Variants in RAB31 observed in about 807,000 individuals in gnomAD.
RAB31 encodes the protein ras-related protein Rab-31.
A neutral mutation model predicts 25.6 loss-of-function variants in RAB31; 21 were observed. That is an observed-to-expected ratio of 0.82 (90% confidence interval 0.58 to 1.18). The LOEUF is 1.18. Among genes scored for constraint, RAB31 ranks in the 50% most tolerant of loss-of-function variants. RAB31 has a pLI of 0.00. For missense variants in RAB31, 196 were observed against 250.1 expected (o/e 0.78, Z 1.46); for synonymous variants, 87 against 84.0 (o/e 1.04, Z -0.20).
intron 1 of RAB31, chr18:9,723,766 C>A (rs7229181): frequency 2.6e-5 from 4 of 151,990 alleles, no homozygotes; most frequent in East Asian, 1.9e-4. Context: ...CTTTACCAAC[C>A]GATTGTTTCT....
intron 6 of RAB31, among the ~76,000 whole-genome samples, chr18:9,850,301 T>G (rs1320707956): frequency 6.6e-6 from 1 of 152,198 alleles, no homozygotes; most frequent in Non-Finnish European, 1.5e-5. Context: ...ATTATTTTTT[T>G]ATTTTTAGAG....
intron 1 of RAB31, among the ~76,000 whole-genome samples, chr18:9,739,543 C>T (rs2068167444): frequency 2.0e-5 from 1 of 50,754 alleles, no homozygotes; most frequent in Non-Finnish European, 3.8e-5. Flanking sequence ...ATGTAATGTG[C>T]TAAAAAAAAA....
intron 6 of RAB31, among the ~76,000 whole-genome samples, chr18:9,858,640 T>C (rs977816638): frequency 1.3e-5 from 2 of 152,246 alleles, no homozygotes; most frequent in African/African-American, 4.8e-5. Context: ...TACTTGTGGA[T>C]GACATTAAAA....
intron 3 of RAB31, among the ~76,000 whole-genome samples, chr18:9,801,679 C>T (rs1185988324): frequency 6.6e-6 from 1 of 152,218 alleles, no homozygotes; most frequent in African/African-American, 2.4e-5. Flanking sequence ...AACTGCCAAA[C>T]TGTTTTCCAA....
intron 1 of RAB31, among the ~76,000 whole-genome samples, chr18:9,760,494 A>AT (rs375633624): frequency 1.3e-5 from 2 of 151,838 alleles, no homozygotes; most frequent in African/African-American, 4.8e-5. Context: ...CTTCAGAACA[A>AT]TTTTTTTTCA....
At position 9,791,388 on chromosome 18, in the gene RAB31, C is replaced by CTTTT. The variant is rs35523044; in HGVS notation, c.120-742_120-739dup. On this transcript the variant is annotated intron_variant, in intron 2 of 6. Coordinates refer to ENST00000578921, the MANE Select transcript of RAB31 (RefSeq NM_006868.4). ...AGCTAACTGGTTTTAGAAACACAGTCTTTTTTTTTTTTTTTTTTTTTTTTT... is the reference window on the plus strand; with the variant it reads ...AGCTAACTGGTTTTAGAAACACAGTCTTTTTTTTTTTTTTTTTTTTTTTTTTTTT... Among the ~76,000 whole-genome samples, 13 of 59,628 alleles carry CTTTT rather than the reference C, an allele frequency of 2.2e-4. 1 individual carries two copies. The highest frequency in any genetic ancestry group is 6.9e-4 in the African/African-American group (10 of 14,546). The allele number at this position is 59,628 out of a possible 152,430, so 39.1% of individuals were successfully genotyped here.
At chr18:9,811,811 C>CT (rs2068572928) in intron 3 of RAB31, among the ~76,000 whole-genome samples, 1 of 152,150 alleles carries the variant, frequency 6.6e-6, no homozygotes, top group East Asian at 1.9e-4. Flanking sequence ...TGTTTTGAGA[C>CT]TATTTCTCAT....
chr18:9,787,194 A>G, intron 2 of RAB31: 1 of 218,236 alleles, frequency 4.6e-6, no homozygotes. Context: ...TATTTCTAAC[A>G]AGTATGGGAC....
intron 1 of RAB31, among the ~76,000 whole-genome samples, chr18:9,751,473 A>T (rs1183979644): frequency 6.6e-6 from 1 of 152,186 alleles, no homozygotes; most frequent in African/African-American, 2.4e-5. Flanking sequence ...GATTTGATAC[A>T]CTGAGCATAA....
At chr18:9,760,162 C>CT (rs199586081) in intron 1 of RAB31, among the ~76,000 whole-genome samples, 14 of 58,502 alleles carry the variant, frequency 2.4e-4, no homozygotes, top group Admixed American at 8.6e-4. Flanking sequence ...TCTTTCTTTT[C>CT]TTTTTGTTTT....
chr18:9,725,633 A>G lies in RAB31; in HGVS notation c.39+17189A>G, dbSNP rs148873047. On this transcript the variant is annotated intron_variant, in intron 1 of 6. Transcript: ENST00000578921. ...TAGTAGGGAGAGCACCACTGGTCTG[A>G]TAGAATGGACTTTTTAAAAATAAGG... 4.0e-3 allele frequency among the ~76,000 whole-genome samples: 611 copies of G among 152,370 alleles called. 5 individuals carry two copies. Among genetic ancestry groups the G allele is most frequent in the African/African-American group, 0.013 (558 of 41,584 alleles).
At chr18:9,828,158 C>T (rs573248673) in intron 5 of RAB31, among the ~76,000 whole-genome samples, 35 of 152,034 alleles carry the variant, frequency 2.3e-4, no homozygotes, top group African/African-American at 4.4e-4. Context: ...AGGGAGGGGC[C>T]GTCAAGAATA....
Position 9,845,505 on chromosome 18 carries a change from A to G in RAB31, c.381-77A>G, listed in dbSNP as rs572844722. ...AAGATAAAGGAGCTGTTGCCGCACA[A>G]GCTGTCTGGTCTTTTGGGTGATTTG... On this transcript the variant is annotated intron_variant, in intron 5 of 6. Transcript: ENST00000578921. The G allele has an allele frequency of 8.5e-6, 11 of 1,294,530 alleles. No homozygotes were observed. In the South Asian group the frequency reaches 1.8e-4, roughly 21 times the overall value. 80.2% of individuals were successfully genotyped at this position (1,294,530 alleles called of 1,614,324 possible). A position where few individuals can be genotyped will look rare whatever the true frequency, so the allele number is the denominator to read the frequency against.
chr18:9,773,419 C>T (rs1429391622), intron 1 of RAB31, among the ~76,000 whole-genome samples: 1 of 152,044 alleles, frequency 6.6e-6, no homozygotes, highest in Non-Finnish European at 1.5e-5. Flanking sequence ...CACTTGTTCC[C>T]GTTTTGTGTA....
rs2068206300 is a variant in RAB31, at chr18:9,746,465, A to G, written c.40-28813A>G. ...CAGGAGGCCCCAAATAGCCAAAACA[A>G]TCTTGATAAAGAACAAAGTTGAAGG... On this transcript the variant is annotated intron_variant, in intron 1 of 6. Transcript: ENST00000578921. Among the ~76,000 whole-genome samples, 3 of 144,656 alleles carry G rather than the reference A, an allele frequency of 2.1e-5. No homozygotes were observed. In the South Asian group the frequency reaches 6.7e-4, roughly 32 times the overall value. 94.9% of individuals were successfully genotyped at this position (144,656 alleles called of 152,430 possible).
chr18:9,745,640 G>A (rs889811832), intron 1 of RAB31, among the ~76,000 whole-genome samples: 3 of 152,192 alleles, frequency 2.0e-5, no homozygotes, highest in Middle Eastern at 3.4e-3. Flanking sequence ...ATACTAAAAC[G>A]GATCGATGTA....
chr18:9,789,549 G>C (rs1346262664), intron 2 of RAB31, among the ~76,000 whole-genome samples: 1 of 152,110 alleles, frequency 6.6e-6, no homozygotes, highest in Non-Finnish European at 1.5e-5. Flanking sequence ...ACAAAGAACT[G>C]AATGAATAAT....
chr18:9,729,143 C>T (rs904225008), intron 1 of RAB31, among the ~76,000 whole-genome samples: 1 of 151,880 alleles, frequency 6.6e-6, no homozygotes, highest in African/African-American at 2.4e-5. Context: ...AAAATCATAC[C>T]GATATTTAGA....
intron 1 of RAB31, among the ~76,000 whole-genome samples, chr18:9,764,924 C>G (rs1337374131): frequency 6.6e-6 from 1 of 152,000 alleles, no homozygotes; most frequent in African/African-American, 2.4e-5. Context: ...GACTCAGACC[C>G]AGTGCAGAAC....
Sources: gnomAD v4.1 joint callset for allele counts (sites outside exome capture counted in the v4.1 genomes callset) on GRCh38, gnomAD v4.1.1 for gene constraint, MANE v1.5 for transcripts, NCBI Gene and HGNC (gene_info 2026-07-23, HGNC 2026-07-21) for gene names.